Variants in VPS54 observed in about 807,000 individuals in gnomAD.
VPS54 encodes the protein VPS54 subunit of GARP complex, also known as vacuolar protein sorting-associated protein 54.
In VPS54, 45 loss-of-function variants were observed where a neutral mutation model predicts 121.5. The observed-to-expected ratio is 0.37, with a 90% CI of 0.29 to 0.47. VPS54 has a LOEUF of 0.47. VPS54 is among the 20% of genes least tolerant of loss of function. The pLI is 0.99. For synonymous variants in VPS54, 371 were observed against 385.8 expected (o/e 0.96, Z 0.45); for missense variants, 1,090 against 1,131.4 (o/e 0.96, Z 0.52).
intron 20 of VPS54, among the ~76,000 whole-genome samples, chr2:63,902,142 A>G (rs1672703694): frequency 6.6e-6 from 1 of 152,248 alleles, no homozygotes; most frequent in Non-Finnish European, 1.5e-5. Context: ...GGCCAGGGAT[A>G]CAGGCTCTAC....
chr2:64,017,167 C>T (rs2104719237), intron 1 of VPS54, among the ~76,000 whole-genome samples: 1 of 151,568 alleles, frequency 6.6e-6, no homozygotes, highest in East Asian at 1.9e-4. Flanking sequence ...TGGTGAAACC[C>T]CCGTCTCTAC....
At chr2:63,978,227 A>G (rs1344407314) in intron 3 of VPS54, among the ~76,000 whole-genome samples, 2 of 152,228 alleles carry the variant, frequency 1.3e-5, no homozygotes, top group African/African-American at 4.8e-5. Context: ...AAGTATGTTT[A>G]GCTTTTTAAG....
intron 13 of VPS54, 46 bp downstream of exon 13, chr2:63,921,159 CA>C: frequency 1.3e-6 from 2 of 1,540,430 alleles, no homozygotes; most frequent in Non-Finnish European, 1.8e-6. Flanking sequence ...TCCAGATCTT[CA>C]AAATTATTAC....
chr2:63,923,654 T>C (rs1208178750), intron 12 of VPS54, among the ~76,000 whole-genome samples: 1 of 152,230 alleles, frequency 6.6e-6, no homozygotes, highest in African/African-American at 2.4e-5. Flanking sequence ...TGCTTCAACA[T>C]GGATGAAACT....
intron 3 of VPS54, among the ~76,000 whole-genome samples, chr2:63,979,990 G>T (rs898315884): frequency 6.6e-6 from 1 of 152,010 alleles, no homozygotes; most frequent in African/African-American, 2.4e-5. Context: ...AGGCCAGGTT[G>T]GTTAATGGTT....
intron 7 of VPS54, among the ~76,000 whole-genome samples, chr2:63,953,711 A>G (rs1675366126): frequency 6.6e-6 from 1 of 152,208 alleles, no homozygotes; most frequent in Non-Finnish European, 1.5e-5. Context: ...AGATGGATGG[A>G]TAGATAGATA....
chr2:63,947,441 T>A lies in VPS54; in HGVS notation c.1187A>T (p.Asn396Ile). Residue 396 changes from asparagine (N) to isoleucine (I), a missense_variant, in exon 9 of 23, where the codon AAT becomes ATT. Around this residue, in one of 2 missense-constraint regions of VPS54, gnomAD observed 801 missense variants for 757.0 expected, o/e 1.06. Coordinates refer to ENST00000272322, the MANE Select transcript of VPS54 (RefSeq NM_016516.3). ...VFGLLKQRKL[N>I]FLEIYGEKMV... The stretch of plus-strand genomic sequence containing the variant: ...TTTTTCACCATAGATTTCTAAAAAA[T>A]TAAGCTTTCTTTGTTTTAAAAGTCC... 3 of 1,551,246 alleles carry A rather than the reference T, an allele frequency of 1.9e-6. No individual in the cohort carries two copies. The highest frequency in any genetic ancestry group is 2.6e-6 in the Non-Finnish European group (3 of 1,133,884).
chr2:64,010,150 T>C (rs543149096), intron 1 of VPS54, among the ~76,000 whole-genome samples: 33 of 152,274 alleles, frequency 2.2e-4, no homozygotes, highest in African/African-American at 7.0e-4. Context: ...CCCCATATAA[T>C]TGACTTATAA....
intron 20 of VPS54, 50 bp from the exon 21 acceptor site, chr2:63,899,631 A>G (rs3815616): frequency 0.21 from 310,851 of 1,455,628 alleles, 37,097 homozygotes; most frequent in Non-Finnish European, 0.24. Flanking sequence ...TGAATTGCAT[A>G]ATGTCTCCAC....
intron 12 of VPS54, among the ~76,000 whole-genome samples, chr2:63,923,243 T>A (rs569356359): frequency 6.6e-6 from 1 of 150,806 alleles, no homozygotes; most frequent in African/African-American, 2.4e-5. Flanking sequence ...GTGAACCCGG[T>A]AGGCAGAGCT....
chr2:64,015,024 C>T (rs1445133090), intron 1 of VPS54, among the ~76,000 whole-genome samples: 1 of 151,780 alleles, frequency 6.6e-6, no homozygotes, highest in East Asian at 1.9e-4. Context: ...TACATACATA[C>T]ATAACATAAG....
intron 1 of VPS54, among the ~76,000 whole-genome samples, chr2:64,009,167 T>C (rs1678312025): frequency 6.6e-6 from 1 of 152,252 alleles, no homozygotes; most frequent in Non-Finnish European, 1.5e-5. Flanking sequence ...CTTTGTCTCC[T>C]TATCAGATCA....
chr2:63,950,112 C>A (rs1006828388), intron 7 of VPS54, among the ~76,000 whole-genome samples: 2 of 152,180 alleles, frequency 1.3e-5, no homozygotes, highest in African/African-American at 4.8e-5. Flanking sequence ...CTTCATTCCT[C>A]ACCCTTGTCA....
chr2:64,016,929 G>C (rs779516736), intron 1 of VPS54, among the ~76,000 whole-genome samples: 13 of 150,872 alleles, frequency 8.6e-5, no homozygotes, highest in Non-Finnish European at 1.5e-4. Context: ...CCTTAAATGG[G>C]TGTATTTTAT....
At chr2:63,971,089 C>T (rs932900483) in intron 4 of VPS54, among the ~76,000 whole-genome samples, 66 of 152,154 alleles carry the variant, frequency 4.3e-4, no homozygotes, top group African/African-American at 1.4e-3. Flanking sequence ...GTTGTCCAAG[C>T]AAGAAACCTG....
chr2:63,985,072 C>A (rs1449830944), intron 1 of VPS54, among the ~76,000 whole-genome samples: 6 of 152,222 alleles, frequency 3.9e-5, no homozygotes, highest in African/African-American at 1.4e-4. Context: ...TAAATCTCAG[C>A]ACTTTGGGAG....
At chr2:63,997,304 G>A (rs1450040909) in intron 1 of VPS54, among the ~76,000 whole-genome samples, 1 of 152,202 alleles carries the variant, frequency 6.6e-6, no homozygotes, top group Non-Finnish European at 1.5e-5. Flanking sequence ...ATGTTTGGTA[G>A]AATTCAGCAG....
intron 20 of VPS54, among the ~76,000 whole-genome samples, chr2:63,900,763 TTG>T (rs1558977568): frequency 2.0e-5 from 3 of 151,758 alleles, no homozygotes; most frequent in Non-Finnish European, 2.9e-5. Flanking sequence ...TTTTTTTTGT[TTG>T]TTTTTTTTGA....
chr2:63,976,825 C>CTTTTTT (rs1174931536), intron 3 of VPS54, among the ~76,000 whole-genome samples: 29 of 89,666 alleles, frequency 3.2e-4, no homozygotes, highest in African/African-American at 5.8e-4. Flanking sequence ...TATATCTTCT[C>CTTTTTT]TTTTTTTTTT....
Sources: gnomAD v4.1 joint callset for allele counts (sites outside exome capture counted in the v4.1 genomes callset) on GRCh38, gnomAD v4.1.1 for gene constraint, gnomAD v4.1.1 regional missense constraint, MANE v1.5 for transcripts, NCBI Gene and HGNC (gene_info 2026-07-23, HGNC 2026-07-21) for gene names.